Variants in BLVRA observed in about 807,000 individuals in gnomAD.
BLVRA encodes the protein BVR A.
Under a neutral mutation model 32.8 loss-of-function variants are expected in BLVRA, and 22 were observed. That is an observed-to-expected ratio of 0.67 (90% CI 0.48 to 0.96). The LOEUF is 0.96. BLVRA is among the 40% of genes least tolerant of loss of function. BLVRA has a pLI of 0.00. For missense variants in BLVRA, 323 were observed against 358.1 expected, an observed-to-expected ratio of 0.90 and a Z score of 0.79; for synonymous variants, 119 against 141.3, an observed-to-expected ratio of 0.84 and a Z score of 1.12.
At chr7:43,759,998 T>TA (rs2095740530) in intron 1 of BLVRA, 1 of 147,804 alleles carries the variant, frequency 6.8e-6, no homozygotes, top group Non-Finnish European at 1.5e-5. Flanking sequence ...ATTTTTTTTT[T>TA]TTTTTTTTTT....
intron 2 of BLVRA, among the ~76,000 whole-genome samples, chr7:43,776,072 T>TG (rs1458007839): frequency 6.6e-6 from 1 of 152,222 alleles, no homozygotes; most frequent in Non-Finnish European, 1.5e-5. Flanking sequence ...TCAATTTTGT[T>TG]GATCTTTTCA....
At chr7:43,762,134 A>C (rs2095743017) in intron 1 of BLVRA, among the ~76,000 whole-genome samples, 1 of 152,158 alleles carries the variant, frequency 6.6e-6, no homozygotes, top group Non-Finnish European at 1.5e-5. Context: ...ACAAGGAGGA[A>C]GGTCACAGCT....
chr7:43,776,027 CTCTTT>C (rs1397473998), intron 2 of BLVRA, among the ~76,000 whole-genome samples: 1 of 152,132 alleles, frequency 6.6e-6, no homozygotes. Flanking sequence ...TGATTCTTCT[CTCTTT>C]TCTTATTTAT....
At chr7:43,777,722 A>G (rs912524332) in intron 2 of BLVRA, among the ~76,000 whole-genome samples, 1 of 152,110 alleles carries the variant, frequency 6.6e-6, no homozygotes, top group Non-Finnish European at 1.5e-5. Context: ...CTCCTGGATA[A>G]TATCCTGCAG....
chr7:43,758,364 G>A (rs1412119943), upstream of BLVRA, among the ~76,000 whole-genome samples: 1 of 151,684 alleles, frequency 6.6e-6, no homozygotes, highest in Non-Finnish European at 1.5e-5. Flanking sequence ...CACACCGTGA[G>A]GGGGCCAGGC....
intron 6 of BLVRA, among the ~76,000 whole-genome samples, chr7:43,800,774 T>C (rs887543528): frequency 1.3e-5 from 2 of 152,228 alleles, no homozygotes; most frequent in African/African-American, 4.8e-5. Context: ...ATATTTGTGC[T>C]CTGTCCCAAC....
At chr7:43,777,345 C>CCT (rs2095762503) in intron 2 of BLVRA, among the ~76,000 whole-genome samples, 3 of 150,814 alleles carry the variant, frequency 2.0e-5, no homozygotes, top group African/African-American at 7.3e-5. Flanking sequence ...CTGGTGGTGA[C>CCT]AAAATCTCTC....
intron 1 of BLVRA, among the ~76,000 whole-genome samples, chr7:43,770,615 G>C (rs1323762707): frequency 6.6e-6 from 1 of 151,848 alleles, no homozygotes; most frequent in Admixed American, 6.6e-5. Flanking sequence ...CTCCTTCCTT[G>C]CTACCCCTGC....
intron 1 of BLVRA, among the ~76,000 whole-genome samples, chr7:43,769,638 A>T (rs2095752202): frequency 6.8e-6 from 1 of 147,664 alleles, no homozygotes; most frequent in South Asian, 2.1e-4. Flanking sequence ...ACAGAGTCTC[A>T]CTCTGTCGCC....
intron 3 of BLVRA, among the ~76,000 whole-genome samples, chr7:43,790,226 C>A (rs959625148): frequency 1.3e-5 from 2 of 152,014 alleles, no homozygotes; most frequent in Non-Finnish European, 2.9e-5. Context: ...GGGAGGTGTA[C>A]GGACTGCTGG....
chr7:43,778,262 A>G (rs1445194824), intron 2 of BLVRA, among the ~76,000 whole-genome samples: 1 of 151,874 alleles, frequency 6.6e-6, no homozygotes, highest in African/African-American at 2.4e-5. Flanking sequence ...TTTTTTCCCC[A>G]TCTTTGTGGT....
At chr7:43,771,405 A>G (rs564171191) in intron 2 of BLVRA, among the ~76,000 whole-genome samples, 1 of 152,236 alleles carries the variant, frequency 6.6e-6, no homozygotes, top group South Asian at 2.1e-4. Context: ...GCTAATCCTG[A>G]AACAACACTC....
intron 2 of BLVRA, 72 bp downstream of exon 2, chr7:43,771,242 C>A: frequency 6.5e-7 from 1 of 1,529,804 alleles, no homozygotes; most frequent in Admixed American, 1.7e-5. Context: ...TTTGCAGAGT[C>A]TCCATTCCCT....
At chr7:43,791,519 T>A (rs1420504849) in intron 4 of BLVRA, 151 bp downstream of exon 4, 1 of 791,700 alleles carries the variant, frequency 1.3e-6, no homozygotes, top group East Asian at 2.7e-5. Flanking sequence ...TGTCAAAACA[T>A]TAAGAAATTC....
intron 5 of BLVRA, among the ~76,000 whole-genome samples, chr7:43,794,056 A>G (rs570639204): frequency 6.6e-6 from 1 of 152,208 alleles, no homozygotes; most frequent in East Asian, 1.9e-4. Context: ...CAGCCTGGGC[A>G]ACATGGTGAA....
intron 5 of BLVRA, among the ~76,000 whole-genome samples, chr7:43,793,915 C>T (rs537690169): frequency 5.3e-5 from 8 of 150,428 alleles, no homozygotes; most frequent in African/African-American, 1.9e-4. Flanking sequence ...AGTGACCGTG[C>T]CCGGCATACA....
At chr7:43,788,431 TA>T (rs1452851362) in intron 3 of BLVRA, among the ~76,000 whole-genome samples, 1 of 152,174 alleles carries the variant, frequency 6.6e-6, no homozygotes, top group African/African-American at 2.4e-5. Context: ...TGCGTAGTGT[TA>T]TTAACCCCCC....
intron 1 of BLVRA, chr7:43,760,229 A>T (rs529893307): frequency 2.0e-4 from 31 of 152,188 alleles, no homozygotes; most frequent in Admixed American, 5.9e-4. Flanking sequence ...TCCAGTTAGC[A>T]TGTGATTAAA....
intron 2 of BLVRA, among the ~76,000 whole-genome samples, chr7:43,779,169 C>A (rs1325485812): frequency 6.6e-6 from 1 of 152,224 alleles, no homozygotes; most frequent in Admixed American, 6.5e-5. Flanking sequence ...CACTGTCTGG[C>A]ACTCCCTAGT....
Sources: allele counts gnomAD v4.1 joint callset (sites outside exome capture counted in the v4.1 genomes callset), GRCh38; gene constraint gnomAD v4.1.1; transcripts MANE v1.5; gene names NCBI Gene and HGNC (gene_info 2026-07-23, HGNC 2026-07-21).